KATNAL1: variants seen among roughly 807,000 people sequenced by gnomAD.
KATNAL1 encodes the protein katanin p60 ATPase-containing subunit A-like 1.
A neutral mutation model predicts 55.2 loss-of-function variants in KATNAL1; 32 were observed. The ratio of observed to expected loss-of-function variants is 0.58; its 90% CI spans 0.44 to 0.78. The LOEUF (loss-of-function observed/expected upper bound fraction) is 0.78, where lower values mean the gene tolerates loss of function less well. Ranked by LOEUF, KATNAL1 falls within the 30% of genes least tolerant of loss-of-function variation. The pLI is 0.00. For synonymous variants in KATNAL1, 193 were observed against 193.6 expected (o/e 1.00, Z 0.02); for missense variants, 466 against 600.9 (o/e 0.78, Z 2.35).
At chr13:30,218,228 A>ATATG (rs1555258844) in intron 9 of KATNAL1, among the ~76,000 whole-genome samples, 1 of 83,146 alleles carries the variant, frequency 1.2e-5, no homozygotes, top group Non-Finnish European at 2.8e-5. Context: ...ATATATATAT[A>ATATG]AAGGACCTGA....
chr13:30,247,389 T>C (rs940447601), intron 4 of KATNAL1, among the ~76,000 whole-genome samples: 3 of 152,228 alleles, frequency 2.0e-5, no homozygotes, highest in African/African-American at 7.2e-5. Context: ...TATGAATCCA[T>C]ATCATTCTGC....
intron 9 of KATNAL1, among the ~76,000 whole-genome samples, chr13:30,223,475 GTAAATA>G (rs1875132522): frequency 7.4e-6 from 1 of 134,934 alleles, no homozygotes; most frequent in Non-Finnish European, 1.6e-5. Context: ...AAACTGCACC[GTAAATA>G]TAAAGACAGG....
intron 2 of KATNAL1, among the ~76,000 whole-genome samples, chr13:30,282,904 G>A (rs1474405461): frequency 8.1e-5 from 12 of 148,088 alleles, no homozygotes; most frequent in Admixed American, 2.7e-4. Flanking sequence ...ACAGTGAGCC[G>A]AGATCGCGCC....
At chr13:30,240,612 G>C in intron 5 of KATNAL1, 47 bp from the exon 6 acceptor site, 1 of 1,286,728 alleles carries the variant, frequency 7.8e-7, no homozygotes, top group Non-Finnish European at 1.1e-6. Context: ...AGGGATCTTT[G>C]ATTTATGGTC....
intron 9 of KATNAL1, among the ~76,000 whole-genome samples, chr13:30,214,940 A>G (rs934918700): frequency 5.3e-5 from 8 of 152,074 alleles, no homozygotes; most frequent in Non-Finnish European, 1.2e-4. Context: ...AATTAAACTA[A>G]AGAGCTTCTG....
chr13:30,208,853 G>T, intron 10 of KATNAL1, 115 bp from the exon 11 acceptor site: 2 of 755,680 alleles, frequency 2.6e-6, no homozygotes, highest in Non-Finnish European at 4.0e-6. Context: ...TTTTTATGAG[G>T]CTTCTTAGAA....
intron 6 of KATNAL1, among the ~76,000 whole-genome samples, chr13:30,235,890 A>G (rs1209617183): frequency 6.6e-6 from 1 of 152,184 alleles, no homozygotes; most frequent in Non-Finnish European, 1.5e-5. Context: ...TGATTTGAAG[A>G]CTTGCTGATA....
chr13:30,274,888 C>A (rs1372560299), intron 3 of KATNAL1, among the ~76,000 whole-genome samples: 1 of 115,812 alleles, frequency 8.6e-6, no homozygotes, highest in Non-Finnish European at 1.8e-5. Context: ...TGTGCACACA[C>A]ATACGCGCGC....
chr13:30,208,466 G>A lies in KATNAL1; in HGVS notation c.*74C>T. On this transcript the variant is annotated 3_prime_UTR_variant, in exon 11 of 11. Transcript: ENST00000380615. ...CTCCACTGAAAAAAATTCCAAACTT[G>A]TTTTTTAAAAATTGCAGGAATTTCT... is the stretch of plus-strand genomic sequence containing the variant. The A allele has an allele frequency of 3.0e-6, 4 of 1,337,454 alleles. No homozygotes were observed. The highest frequency in any genetic ancestry group is 4.0e-6 in the Non-Finnish European group (4 of 1,002,472). 82.8% of individuals were successfully genotyped at this position (1,337,454 alleles called of 1,614,324 possible).
At chr13:30,253,479 T>C (rs955614175) in intron 4 of KATNAL1, among the ~76,000 whole-genome samples, 32 of 152,010 alleles carry the variant, frequency 2.1e-4, no homozygotes, top group African/African-American at 6.0e-4. Flanking sequence ...CTGGCTAACA[T>C]GGTGAAACAA....
At chr13:30,234,003 G>T (rs1235039298) in intron 6 of KATNAL1, among the ~76,000 whole-genome samples, 1 of 152,154 alleles carries the variant, frequency 6.6e-6, no homozygotes, top group Non-Finnish European at 1.5e-5. Context: ...GATCAGTAGG[G>T]TGACCATAGT....
In KATNAL1 at chr13:30,203,986, A is replaced by G. The variant is rs1402266429; in HGVS notation, c.*4554T>C. 6.6e-6 allele frequency: 1 copy of G among 152,228 alleles called. No homozygotes were observed. The highest frequency in any genetic ancestry group is 6.5e-5 in the Admixed American group (1 of 15,288). The allele number at this position is 152,228 out of a possible 1,614,324, so 9.4% of individuals were successfully genotyped here. A position where few individuals can be genotyped will look rare whatever the true frequency, so the allele number is the denominator to read the frequency against. On this transcript the variant is annotated 3_prime_UTR_variant, in exon 11 of 11. Transcript: ENST00000380615. ...TTTAGCTTTTTCTGTAAAAATAGTTAGTGGAGATGACAGTAAAACATTCGA... is the reference window on the plus strand; with the variant it reads ...TTTAGCTTTTTCTGTAAAAATAGTTGGTGGAGATGACAGTAAAACATTCGA...
chr13:30,264,634 A>G (rs1293831800), intron 3 of KATNAL1, among the ~76,000 whole-genome samples: 2 of 147,162 alleles, frequency 1.4e-5, no homozygotes, highest in African/African-American at 2.5e-5. Context: ...GCTCATCATC[A>G]CTGGCCATCA....
intron 1 of KATNAL1, chr13:30,296,212 T>C (rs1044006453): frequency 1.8e-5 from 15 of 818,954 alleles, no homozygotes; most frequent in Non-Finnish European, 2.7e-5. Flanking sequence ...CCATGGTGGA[T>C]GGCGCCTTCA....
chr13:30,305,103 ACTGGGGCTGGAGTTAT>A (rs1449330214), intron 1 of KATNAL1, among the ~76,000 whole-genome samples: 1 of 151,998 alleles, frequency 6.6e-6, no homozygotes, highest in Non-Finnish European at 1.5e-5. Context: ...CATTCTCTAC[ACTGGGGCTGGAGTTAT>A]CTTTCTAAAA....
In KATNAL1 at chr13:30,227,590, T is replaced by A. The variant is rs764840601; in HGVS notation, c.1013-44A>T. 9.6e-6 allele frequency: 15 copies of A among 1,569,302 alleles called. No homozygotes were observed. The African/African-American group carries it at 1.8e-4, about 19-fold the overall frequency. On this transcript the variant is annotated intron_variant, in intron 8 of 10. Coordinates refer to ENST00000380615, the MANE Select transcript of KATNAL1 (RefSeq NM_032116.5). ...GAAAAGATAGTGTTTTTCTTACAAC[T>A]CTTTATTCTTTCATTCAATTAACAT... is the stretch of plus-strand genomic sequence containing the variant.
intron 9 of KATNAL1, among the ~76,000 whole-genome samples, chr13:30,214,954 A>T (rs2137351896): frequency 6.6e-6 from 1 of 152,276 alleles, no homozygotes; most frequent in Non-Finnish European, 1.5e-5. Flanking sequence ...GCTTCTGCAC[A>T]GCAAAAGAAA....
At chr13:30,234,237 CA>C (rs1373279391) in intron 6 of KATNAL1, among the ~76,000 whole-genome samples, 1 of 152,010 alleles carries the variant, frequency 6.6e-6, no homozygotes, top group Non-Finnish European at 1.5e-5. Flanking sequence ...AAAATTGAGA[CA>C]AAAAAATTCC....
At chr13:30,233,445 A>G (rs2137402497) in intron 6 of KATNAL1, among the ~76,000 whole-genome samples, 1 of 152,246 alleles carries the variant, frequency 6.6e-6, no homozygotes, top group East Asian at 1.9e-4. Context: ...CATCAAAAAG[A>G]TAGCTAATAA....
Sources: allele counts gnomAD v4.1 joint callset (sites outside exome capture counted in the v4.1 genomes callset), GRCh38; gene constraint gnomAD v4.1.1; transcripts MANE v1.5; gene names NCBI Gene and HGNC (gene_info 2026-07-23, HGNC 2026-07-21).